IRAK1BP1: variants seen among roughly 807,000 people sequenced by gnomAD.
IRAK1BP1 encodes the protein interleukin 1 receptor associated kinase 1 binding protein 1.
IRAK1BP1 carries 24 observed loss-of-function variants against 28.0 expected under a neutral mutation model. That is an observed-to-expected ratio of 0.86 (90% CI 0.62 to 1.20). The LOEUF is 1.20. Ranked by LOEUF, IRAK1BP1 falls within the 50% of genes most tolerant of loss-of-function variation. The pLI, the probability that IRAK1BP1 is intolerant of heterozygous loss-of-function variation, is 0.00. For missense variants in IRAK1BP1, 336 were observed against 316.7 expected (o/e 1.06, Z -0.46); for synonymous variants, 131 against 116.3 (o/e 1.13, Z -0.81).
intron 2 of IRAK1BP1, among the ~76,000 whole-genome samples, chr6:78,888,545 TCTCA>T (rs1305706831): frequency 8.1e-5 from 12 of 147,942 alleles, no homozygotes; most frequent in African/African-American, 3.0e-4. Flanking sequence ...TGAGATGGAG[TCTCA>T]CTCTGTCACC....
chr6:78,906,473 T>A (rs1490507071), downstream of IRAK1BP1, among the ~76,000 whole-genome samples: 1 of 152,238 alleles, frequency 6.6e-6, no homozygotes, highest in Non-Finnish European at 1.5e-5. Flanking sequence ...TGATCAGAGC[T>A]AGTTTTTGAA....
the IRAK1BP1 span, chr6:78,955,560 A>AT: frequency 2.3e-5 from 15 of 651,398 alleles, no homozygotes; most frequent in East Asian, 2.6e-4. Flanking sequence ...CAATATGTAA[A>AT]TTTTTTTATA....
downstream of IRAK1BP1, chr6:78,947,555 A>G: frequency 1.4e-6 from 1 of 732,476 alleles, no homozygotes; most frequent in South Asian, 2.3e-5. Context: ...AAGTAAAGCA[A>G]CATTTAGTCA....
At chr6:78,962,157 C>G in the IRAK1BP1 span, among the ~76,000 whole-genome samples, 1 of 152,148 alleles carries the variant, frequency 6.6e-6, no homozygotes, top group Non-Finnish European at 1.5e-5. Flanking sequence ...ATTATTAACA[C>G]TGTAACATAC....
At chr6:78,918,136 A>G (rs1772609930) in intron 4 of IRAK1BP1, among the ~76,000 whole-genome samples, 2 of 152,082 alleles carry the variant, frequency 1.3e-5, no homozygotes, top group Admixed American at 1.3e-4. Context: ...CATCTCTATA[A>G]AAAATACAAA....
intron 2 of IRAK1BP1, 121 bp downstream of exon 2, chr6:78,885,564 C>A: frequency 3.9e-6 from 2 of 506,912 alleles, no homozygotes; most frequent in South Asian, 3.9e-5. Flanking sequence ...TTATTTTTCT[C>A]AAAATCATCT....
chr6:78,915,368 A>G (rs1772533040), intron 4 of IRAK1BP1, among the ~76,000 whole-genome samples: 1 of 152,222 alleles, frequency 6.6e-6, no homozygotes, highest in African/African-American at 2.4e-5. Context: ...TGACTAAAAT[A>G]AAGCCCAAAA....
At chr6:78,935,303 T>C (rs1302602118) in intron 4 of IRAK1BP1, among the ~76,000 whole-genome samples, 2 of 152,136 alleles carry the variant, frequency 1.3e-5, no homozygotes, top group Non-Finnish European at 2.9e-5. Flanking sequence ...TACAAATCAC[T>C]CCATGTGCTT....
At chr6:78,935,652 A>C (rs1208000003) in intron 4 of IRAK1BP1, 1 of 983,668 alleles carries the variant, frequency 1.0e-6, no homozygotes, top group Non-Finnish European at 1.2e-6. Context: ...TTTGGAATTA[A>C]ATTACATTTC....
chr6:78,918,127 A>G (rs1429471969), intron 4 of IRAK1BP1, among the ~76,000 whole-genome samples: 1 of 152,068 alleles, frequency 6.6e-6, no homozygotes, highest in Non-Finnish European at 1.5e-5. Context: ...GAGGGATCCC[A>G]TCTCTATAAA....
intron 2 of IRAK1BP1, among the ~76,000 whole-genome samples, chr6:78,893,004 T>C (rs1264284140): frequency 6.6e-6 from 1 of 151,712 alleles, no homozygotes; most frequent in Non-Finnish European, 1.5e-5. Context: ...GGAAAAATTA[T>C]GACCCAAAAA....
At chr6:78,946,457 T>C, downstream of IRAK1BP1, 3 of 1,403,748 alleles carry the variant, frequency 2.1e-6, no homozygotes, top group South Asian at 5.0e-5. Context: ...TAAAGTTATA[T>C]GACGGAAAGC....
intron 4 of IRAK1BP1, among the ~76,000 whole-genome samples, chr6:78,922,413 T>G (rs1305202890): frequency 2.0e-5 from 3 of 152,168 alleles, no homozygotes; most frequent in Non-Finnish European, 2.9e-5. Flanking sequence ...TCCAAAAATA[T>G]AGGACTATGT....
intron 1 of IRAK1BP1, among the ~76,000 whole-genome samples, chr6:78,879,323 C>T (rs1350892994): frequency 2.0e-5 from 3 of 152,052 alleles, no homozygotes; most frequent in Admixed American, 6.5e-5. Context: ...ACGTTGTGCA[C>T]ATGTACTGTA....
At chr6:78,932,782 G>A (rs1480650160) in intron 4 of IRAK1BP1, among the ~76,000 whole-genome samples, 1 of 152,158 alleles carries the variant, frequency 6.6e-6, no homozygotes, top group Non-Finnish European at 1.5e-5. Flanking sequence ...TCTGTGAGGT[G>A]CAGAACGGAT....
chr6:78,897,012 C>T (rs1459989112), intron 2 of IRAK1BP1, among the ~76,000 whole-genome samples: 8 of 151,804 alleles, frequency 5.3e-5, no homozygotes, highest in Admixed American at 6.6e-5. Flanking sequence ...TGTCTACAAC[C>T]GCTAAGGTGG....
At chr6:78,936,087 TATA>T (rs1298722486) in intron 4 of IRAK1BP1, 1 of 151,890 alleles carries the variant, frequency 6.6e-6, no homozygotes, top group Non-Finnish European at 1.5e-5. Context: ...AACTGCTGTT[TATA>T]ATATGATACT....
intron 4 of IRAK1BP1, among the ~76,000 whole-genome samples, chr6:78,916,932 A>G (rs1772576013): frequency 6.6e-6 from 1 of 152,052 alleles, no homozygotes. Flanking sequence ...CAATAGAGTG[A>G]GACTCCACCT....
intron 2 of IRAK1BP1, among the ~76,000 whole-genome samples, chr6:78,897,466 A>G (rs1771930841): frequency 6.6e-6 from 1 of 152,160 alleles, no homozygotes; most frequent in South Asian, 2.1e-4. Flanking sequence ...GTATGGCATG[A>G]TTACTACTAA....
Sources: gnomAD v4.1 joint callset for allele counts (sites outside exome capture counted in the v4.1 genomes callset) on GRCh38, gnomAD v4.1.1 for gene constraint, MANE v1.5 for transcripts, NCBI Gene and HGNC (gene_info 2026-07-23, HGNC 2026-07-21) for gene names.